ABHD12: variants seen among roughly 807,000 people sequenced by gnomAD.
The protein encoded by ABHD12 is lysophosphatidylserine lipase ABHD12.
In ABHD12, 43 loss-of-function variants were observed where a neutral mutation model predicts 58.3. The observed-to-expected ratio is 0.74, with a 90% CI of 0.58 to 0.95. The LOEUF is 0.95. Ranked by LOEUF, ABHD12 falls within the 40% of genes least tolerant of loss-of-function variation. ABHD12 has a pLI of 0.00. For synonymous variants in ABHD12, 219 were observed against 211.2 expected (o/e 1.04, Z -0.32); for missense variants, 539 against 537.2 (o/e 1.00, Z -0.03).
intron 1 of ABHD12, among the ~76,000 whole-genome samples, chr20:25,389,123 G>C (rs753063219): frequency 2.2e-4 from 34 of 152,208 alleles, no homozygotes; most frequent in Admixed American, 6.5e-4. Flanking sequence ...TTTTTCGAAG[G>C]AAGAATTTTC....
intron 6 of ABHD12, among the ~76,000 whole-genome samples, chr20:25,312,791 G>T (rs1268890084): frequency 1.4e-5 from 2 of 145,164 alleles, no homozygotes; most frequent in Non-Finnish European, 3.0e-5. Flanking sequence ...CTGCCCCGCC[G>T]CCCCGTCTGG....
intron 1 of ABHD12, among the ~76,000 whole-genome samples, chr20:25,370,849 C>CTTT (rs201094435): frequency 1.0e-4 from 14 of 139,418 alleles, no homozygotes; most frequent in African/African-American, 2.6e-4. Flanking sequence ...CCTTTATTGA[C>CTTT]TTTTTTTTTT....
At chr20:25,301,682 C>G (rs998407106) in intron 12 of ABHD12, among the ~76,000 whole-genome samples, 2 of 152,222 alleles carry the variant, frequency 1.3e-5, no homozygotes, top group African/African-American at 4.8e-5. Context: ...TTGGTCCATT[C>G]CACACACTGC....
At chr20:25,363,755 C>T (rs968233059) in intron 1 of ABHD12, among the ~76,000 whole-genome samples, 4 of 151,932 alleles carry the variant, frequency 2.6e-5, no homozygotes, top group African/African-American at 9.7e-5. Context: ...ATCTCAGATA[C>T]TTGGGAGGCT....
Position 25,320,251 on chromosome 20 carries a change from A to G in ABHD12, c.490T>C (p.Leu164=). The change falls in exon 4 of 13, where the codon TTG becomes CTG. Residue 164 remains leucine (L), a synonymous_variant. Coordinates refer to ENST00000339157, the MANE Select transcript of ABHD12 (RefSeq NM_001042472.3). The part of the protein sequence containing the change: ...GKDQMWYEDA[L]ASSHPIILYL... ...AGAATGATAGGGTGGCTGGAAGCCA[A>G]GGCATCCTCATACCACATCTGGTCT... 1 of 1,614,172 alleles carries G rather than the reference A, an allele frequency of 6.2e-7. No homozygotes were observed. The highest frequency in any genetic ancestry group is 1.3e-5 in the African/African-American group (1 of 75,082).
Position 25,300,594 on chromosome 20 carries a change from C to A in ABHD12, c.*251G>T. On this transcript the variant is annotated 3_prime_UTR_variant, in exon 13 of 13. Coordinates refer to ENST00000339157, the MANE Select transcript of ABHD12 (RefSeq NM_001042472.3). The stretch of plus-strand genomic sequence containing the variant: ...CTGCCATTAAGTCTCCCAACAAGAT[C>A]TCAGGTTGAGGGGCGGCAAGGAGAG... 7.0e-7 allele frequency: 1 copy of A among 1,435,786 alleles called. No individual in the cohort carries two copies. Among genetic ancestry groups the A allele is most frequent in the East Asian group, 2.5e-5 (1 of 39,404 alleles). 88.9% of individuals were successfully genotyped at this position (1,435,786 alleles called of 1,614,324 possible).
chr20:25,338,539 A>G (rs1200913862), intron 2 of ABHD12, among the ~76,000 whole-genome samples: 1 of 152,044 alleles, frequency 6.6e-6, no homozygotes, highest in Admixed American at 6.6e-5. Flanking sequence ...CTTTGACCTC[A>G]TGGGCTTGAT....
rs2090167580 is a variant in ABHD12, at chr20:25,390,823, C to G, written c.-120G>C. 1 of 627,526 alleles carries G rather than the reference C, an allele frequency of 1.6e-6. No individual in the cohort carries two copies. The highest frequency in any genetic ancestry group is 4.9e-5 in the Admixed American group (1 of 20,228). 38.9% of individuals were successfully genotyped at this position (627,526 alleles called of 1,614,324 possible). On this transcript the variant is annotated 5_prime_UTR_variant, in exon 1 of 13. Coordinates refer to ENST00000339157, the MANE Select transcript of ABHD12 (RefSeq NM_001042472.3). The stretch of plus-strand genomic sequence containing the variant: ...GAACCCGCCGCTCCTCACATCCCAG[C>G]CCAGGCCGCTGCGCCGGCTACGAAC...
chr20:25,312,824 G>A (rs1391495532), intron 6 of ABHD12, among the ~76,000 whole-genome samples: 66 of 151,040 alleles, frequency 4.4e-4, no homozygotes, highest in African/African-American at 1.1e-3. Context: ...GCCTCTGCCC[G>A]GCCGCGACCC....
At chr20:25,296,661 T>C (rs985813650), downstream of ABHD12, 58 of 1,191,452 alleles carry the variant, frequency 4.9e-5, no homozygotes, top group African/African-American at 7.0e-4. Flanking sequence ...GCCATGGGGG[T>C]CAGGGTGGTT....
At chr20:25,367,833 G>A (rs2089844377) in intron 1 of ABHD12, among the ~76,000 whole-genome samples, 1 of 152,188 alleles carries the variant, frequency 6.6e-6, no homozygotes, top group South Asian at 2.1e-4. Context: ...TTTAGCTATT[G>A]TGAATAGTGC....
rs183327401 is a variant in ABHD12, at chr20:25,335,888, C to A, written c.316+3339G>T. On this transcript the variant is annotated intron_variant, in intron 2 of 12. Transcript: ENST00000339157. ...CGAGTTAGTGGGTGCAGCACACCAG[C>A]ATGGCACATGTATACATATGTAACT... 1.3e-3 allele frequency among the ~76,000 whole-genome samples: 196 copies of A among 149,742 alleles called. 2 individuals carry two copies. The highest frequency in any genetic ancestry group is 4.5e-3 in the African/African-American group (184 of 40,590).
chr20:25,339,116 G>A (rs545478688), intron 2 of ABHD12, 111 bp downstream of exon 2: 7 of 1,511,882 alleles, frequency 4.6e-6, no homozygotes, highest in South Asian at 2.4e-5. Context: ...ACCCTTCACT[G>A]TATGTAAACT....
intron 2 of ABHD12, among the ~76,000 whole-genome samples, chr20:25,336,891 G>A (rs905252050): frequency 2.6e-4 from 39 of 152,208 alleles, no homozygotes; most frequent in Non-Finnish European, 3.4e-4. Context: ...GGGGTGAGGC[G>A]AAAGGAATGT....
Position 25,339,570 on chromosome 20 carries a change from G to C in ABHD12, c.192-219C>G, listed in dbSNP as rs1019356458. On this transcript the variant is annotated intron_variant, in intron 1 of 12. Coordinates refer to ENST00000339157, the MANE Select transcript of ABHD12 (RefSeq NM_001042472.3). ...CTTAGAACTCTACTGGGGGTAAGAG[G>C]AACTTTTTTTCTTGAAAGACATAGA... is the stretch of plus-strand genomic sequence containing the variant. 32 of 1,467,662 alleles carry C rather than the reference G, an allele frequency of 2.2e-5. No homozygotes were observed. The African/African-American group carries it at 3.9e-4, about 18-fold the overall frequency. 90.9% of individuals were successfully genotyped at this position (1,467,662 alleles called of 1,614,324 possible). A position where few individuals can be genotyped will look rare whatever the true frequency, so the allele number is the denominator to read the frequency against.
intron 1 of ABHD12, among the ~76,000 whole-genome samples, chr20:25,341,129 G>C (rs1213988634): frequency 6.6e-6 from 1 of 152,212 alleles, no homozygotes. Flanking sequence ...TCGAGCGCCT[G>C]GCACTCTGAA....
chr20:25,306,994 G>T (rs1468620270), intron 9 of ABHD12, 79 bp from the exon 10 acceptor site: 10 of 1,091,264 alleles, frequency 9.2e-6, no homozygotes, highest in Non-Finnish European at 1.4e-5. Context: ...GACAGTTTAA[G>T]TTCAGAAATC....
At chr20:25,324,349 G>A (rs906292795) in intron 2 of ABHD12, among the ~76,000 whole-genome samples, 11 of 152,196 alleles carry the variant, frequency 7.2e-5, no homozygotes, top group Non-Finnish European at 5.9e-5. Flanking sequence ...GTGTGTGTGT[G>A]GGGAGAATGG....
intron 1 of ABHD12, among the ~76,000 whole-genome samples, chr20:25,383,386 C>T (rs542572047): frequency 7.9e-5 from 12 of 152,262 alleles, no homozygotes; most frequent in African/African-American, 2.2e-4. Context: ...TCTGGCCTGT[C>T]GGTTGGGAGT....
Sources: gnomAD v4.1 joint callset for allele counts (sites outside exome capture counted in the v4.1 genomes callset) on GRCh38, gnomAD v4.1.1 for gene constraint, MANE v1.5 for transcripts, NCBI Gene and HGNC (gene_info 2026-07-23, HGNC 2026-07-21) for gene names.